The following MED13L variants were observed in gnomAD, a reference collection of about 807,000 sequenced individuals.
The protein encoded by MED13L is mediator of RNA polymerase II transcription subunit 13-like.
MED13L carries 7 observed loss-of-function variants against 220.9 expected under a neutral mutation model. That is an observed-to-expected ratio of 0.03 (90% CI 0.02 to 0.06). MED13L has a LOEUF of 0.06. Ranked by LOEUF, MED13L falls within the 10% of genes least tolerant of loss-of-function variation. The pLI is 1.00. For synonymous variants in MED13L, 1,011 were observed against 1,015.2 expected, an observed-to-expected ratio of 1.00 and a Z score of 0.08; for missense variants, 1,965 against 2,760.5, an observed-to-expected ratio of 0.71 and a Z score of 6.46.
chr12:116,202,853 G>A (rs1462225021), intron 2 of MED13L, among the ~76,000 whole-genome samples: 4 of 152,144 alleles, frequency 2.6e-5, no homozygotes. Flanking sequence ...AAAGGCTTAG[G>A]AGAAAATGCA....
intron 18 of MED13L, among the ~76,000 whole-genome samples, 193 bp from the exon 19 acceptor site, chr12:115,986,682 A>C (rs1230272585): frequency 6.6e-6 from 1 of 152,236 alleles, no homozygotes; most frequent in Non-Finnish European, 1.5e-5. Flanking sequence ...TAAGTAAGTC[A>C]GAATTTGTTT....
At chr12:115,975,056 A>G (rs748126750) in intron 25 of MED13L, 115 bp downstream of exon 25, 30 of 1,090,930 alleles carry the variant, frequency 2.7e-5, no homozygotes, top group South Asian at 7.9e-5. Context: ...GAATCATAAA[A>G]TAGAATCTGT....
chr12:115,967,686 C>T (rs1012511069), intron 28 of MED13L, among the ~76,000 whole-genome samples: 1 of 152,154 alleles, frequency 6.6e-6, no homozygotes, highest in Non-Finnish European at 1.5e-5. Context: ...TCACAAAGCC[C>T]GTAGGCCCAG....
At chr12:116,120,374 C>A (rs1295207808) in intron 2 of MED13L, among the ~76,000 whole-genome samples, 1 of 151,344 alleles carries the variant, frequency 6.6e-6, no homozygotes, top group East Asian at 1.9e-4. Flanking sequence ...GTTCTAGTTA[C>A]ATGTTAACTT....
chr12:116,018,255 C>T (rs555704471), intron 7 of MED13L, among the ~76,000 whole-genome samples: 3 of 152,254 alleles, frequency 2.0e-5, no homozygotes, highest in Non-Finnish European at 2.9e-5. Context: ...GGTTTTACAA[C>T]GAGGTGCGCT....
intron 2 of MED13L, among the ~76,000 whole-genome samples, chr12:116,119,838 AATATATAT>A (rs1555213243): frequency 4.4e-4 from 14 of 31,592 alleles, no homozygotes; most frequent in African/African-American, 1.4e-3. Flanking sequence ...AAAAAAAAAA[AATATATAT>A]ATATATATAT....
chr12:115,986,134 CT>C (rs1275712725), intron 19 of MED13L, 131 bp downstream of exon 19: 1 of 923,564 alleles, frequency 1.1e-6, no homozygotes, highest in Non-Finnish European at 1.7e-6. Flanking sequence ...ATTCAATTCT[CT>C]TCTTCATCCA....
chr12:116,081,559 T>C (rs1294502176), intron 4 of MED13L, among the ~76,000 whole-genome samples: 1 of 152,216 alleles, frequency 6.6e-6, no homozygotes, highest in African/African-American at 2.4e-5. Flanking sequence ...CTTATAAGTC[T>C]ATGTGGTTTT....
In MED13L at chr12:116,156,421, A is replaced by C. The variant is rs948539484; in HGVS notation, c.311-44909T>G. Among the ~76,000 whole-genome samples, 9 of 151,864 alleles carry C rather than the reference A, an allele frequency of 5.9e-5. No individual in the cohort carries two copies. In the South Asian group the frequency reaches 1.5e-3, roughly 24 times the overall value. ...ATTACTTAAAAAAAAAAAAAAAAAA[A>C]AACTTTTATAGTCCAAAATGAAGTT... On this transcript the variant is annotated intron_variant, in intron 2 of 30. Coordinates refer to ENST00000281928, the MANE Select transcript of MED13L (RefSeq NM_015335.5).
At chr12:116,206,637 C>T (rs904742332) in intron 2 of MED13L, among the ~76,000 whole-genome samples, 2 of 151,712 alleles carry the variant, frequency 1.3e-5, no homozygotes, top group South Asian at 4.2e-4. Flanking sequence ...TTTTCAAACA[C>T]CTGTCCTCCT....
At chr12:116,071,107 T>A (rs888330783) in intron 4 of MED13L, among the ~76,000 whole-genome samples, 1 of 152,112 alleles carries the variant, frequency 6.6e-6, no homozygotes, top group Admixed American at 6.5e-5. Context: ...TACCAGGATA[T>A]AGAGAAGACA....
intron 2 of MED13L, among the ~76,000 whole-genome samples, chr12:116,141,347 T>C (rs931961893): frequency 3.9e-5 from 6 of 152,168 alleles, no homozygotes; most frequent in Non-Finnish European, 7.3e-5. Flanking sequence ...TGAAGTTGAT[T>C]TTTTTCATAT....
At chr12:116,259,317 C>A (rs955934973) in intron 1 of MED13L, among the ~76,000 whole-genome samples, 1 of 152,142 alleles carries the variant, frequency 6.6e-6, no homozygotes, top group African/African-American at 2.4e-5. Flanking sequence ...AAGTACAAAT[C>A]TGTCCATCAC....
At chr12:116,102,217 T>C (rs1281573369) in intron 3 of MED13L, among the ~76,000 whole-genome samples, 1 of 152,242 alleles carries the variant, frequency 6.6e-6, no homozygotes, top group Non-Finnish European at 1.5e-5. Flanking sequence ...AAATGCAGCC[T>C]GATTCCAAAG....
At chr12:116,177,378 A>G (rs1880154879) in intron 2 of MED13L, among the ~76,000 whole-genome samples, 1 of 152,232 alleles carries the variant, frequency 6.6e-6, no homozygotes, top group African/African-American at 2.4e-5. Flanking sequence ...ATCTTTCCAA[A>G]GCTAGGCATT....
intron 2 of MED13L, among the ~76,000 whole-genome samples, chr12:116,167,056 T>C (rs978343237): frequency 6.6e-6 from 1 of 152,138 alleles, no homozygotes; most frequent in Non-Finnish European, 1.5e-5. Context: ...CAAAATTCGA[T>C]GTTCAAAACT....
At position 115,960,645 on chromosome 12, in the gene MED13L, G is replaced by A. The variant is rs1875699703; in HGVS notation, c.*621C>T. On this transcript the variant is annotated 3_prime_UTR_variant, in exon 31 of 31. Coordinates refer to ENST00000281928, the MANE Select transcript of MED13L (RefSeq NM_015335.5). ...AAAAATAAAGTCACAAAAACCATATGACAAAACAAATTAAAATAAATAAAC... is the reference window on the plus strand; with the variant it reads ...AAAAATAAAGTCACAAAAACCATATAACAAAACAAATTAAAATAAATAAAC... The A allele has an allele frequency of 6.3e-6, 1 of 158,550 alleles. No individual in the cohort carries two copies. Among genetic ancestry groups the A allele is most frequent in the African/African-American group, 2.4e-5 (1 of 41,430 alleles). The allele number at this position is 158,550 out of a possible 1,614,324, so 9.8% of individuals were successfully genotyped here.
At chr12:116,082,167 A>G (rs1871282423) in intron 4 of MED13L, among the ~76,000 whole-genome samples, 1 of 152,136 alleles carries the variant, frequency 6.6e-6, no homozygotes, top group Non-Finnish European at 1.5e-5. Flanking sequence ...TTTACTCCCA[A>G]TTTTCCACTT....
intron 8 of MED13L, 32 bp from the exon 9 acceptor site, chr12:116,012,933 A>C: frequency 6.9e-7 from 1 of 1,444,666 alleles, no homozygotes. Flanking sequence ...CTTATGTGTG[A>C]ACATAATACC....
Sources: allele counts gnomAD v4.1 joint callset (sites outside exome capture counted in the v4.1 genomes callset), GRCh38; gene constraint gnomAD v4.1.1; transcripts MANE v1.5; gene names NCBI Gene and HGNC (gene_info 2026-07-23, HGNC 2026-07-21).